The following IGF2BP2 variants were observed in gnomAD, a reference collection of about 807,000 sequenced individuals.
The protein encoded by IGF2BP2 is insulin like growth factor 2 mRNA binding protein 2.
In IGF2BP2, 17 loss-of-function variants were observed where a neutral mutation model predicts 75.8. The ratio of observed to expected loss-of-function variants is 0.22; its 90% confidence interval spans 0.15 to 0.34. The LOEUF (loss-of-function observed/expected upper bound fraction) is 0.34, where lower values mean the gene tolerates loss of function less well. Among genes scored for constraint, IGF2BP2 ranks in the 10% least tolerant of loss-of-function variants. IGF2BP2 has a pLI of 1.00. For missense variants in IGF2BP2, 516 were observed against 772.4 expected, an observed-to-expected ratio of 0.67 and a Z score of 3.93; for synonymous variants, 288 against 295.6, an observed-to-expected ratio of 0.97 and a Z score of 0.26.
chr3:185,805,640 A>G (rs940721058), intron 2 of IGF2BP2, among the ~76,000 whole-genome samples: 2 of 152,198 alleles, frequency 1.3e-5, no homozygotes, highest in Non-Finnish European at 2.9e-5. Flanking sequence ...ACAGGCAGCC[A>G]AAATATTTTA....
chr3:185,713,532 G>A (rs1440745641), intron 2 of IGF2BP2: 1 of 518,332 alleles, frequency 1.9e-6, no homozygotes, highest in Non-Finnish European at 3.9e-6. Flanking sequence ...AGGGGAGTGG[G>A]GAGTGCTGGT....
rs539421508 is a variant in IGF2BP2, at chr3:185,748,889, C to T, written c.240-50542G>A. 4.6e-5 allele frequency among the ~76,000 whole-genome samples: 7 copies of T among 152,342 alleles called. No homozygotes were observed. The East Asian group carries it at 5.8e-4, about 13-fold the overall frequency. On this transcript the variant is annotated intron_variant, in intron 2 of 15. Coordinates refer to ENST00000382199, the MANE Select transcript of IGF2BP2 (RefSeq NM_006548.6). ...GTAATCTAAGAACTTCTTGGCTGGA[C>T]GCAGTGGCTCATGCCTGTAATTCCA...
chr3:185,671,400 G>A (rs1431990747), intron 10 of IGF2BP2, among the ~76,000 whole-genome samples: 1 of 151,998 alleles, frequency 6.6e-6, no homozygotes, highest in Non-Finnish European at 1.5e-5. Context: ...AGCTGGGTGT[G>A]GTGATGCATG....
At position 185,647,190 on chromosome 3, in the gene IGF2BP2, T is replaced by G; in HGVS notation, c.1594-52A>C. 1 of 1,322,806 alleles carries G rather than the reference T, an allele frequency of 7.6e-7. No individual in the cohort carries two copies. Among genetic ancestry groups the G allele is most frequent in the Non-Finnish European group, 1.1e-6 (1 of 914,598 alleles). The allele number at this position is 1,322,806 out of a possible 1,614,324, so 81.9% of individuals were successfully genotyped here. ...TGGATAGGTTCCCTCCCCGTCAACG[T>G]GGTGGGCTCAGGACGGAGTGAGGGG... On this transcript the variant is annotated intron_variant, in intron 14 of 15. Coordinates refer to ENST00000382199, the MANE Select transcript of IGF2BP2 (RefSeq NM_006548.6). This position sits in a 1 kb window ranked among gnomAD's most constrained non-coding sequence, Gnocchi z 4.9.
chr3:185,675,832 C>T lies in IGF2BP2; in HGVS notation c.894G>A (p.Lys298=). 6.2e-7 allele frequency: 1 copy of T among 1,613,632 alleles called. No homozygotes were observed. Among genetic ancestry groups the T allele is most frequent in the Non-Finnish European group, 8.5e-7 (1 of 1,179,934 alleles). The part of the protein sequence containing the change: ...RLIGKEGRNL[K]KIEHETGTKI... Reference sequence around the variant, plus strand: ...TGGTCCCTGTTTCATGTTCAATTTTCTTCAAATTTCTGCCTTCTTTTCCAA... The same window carrying T: ...TGGTCCCTGTTTCATGTTCAATTTTTTTCAAATTTCTGCCTTCTTTTCCAA... Residue 298 remains lysine, a synonymous_variant, in exon 8 of 16, where the codon AAG becomes AAA. Coordinates refer to ENST00000382199, the MANE Select transcript of IGF2BP2 (RefSeq NM_006548.6).
At chr3:185,793,012 G>A (rs1578322020) in intron 2 of IGF2BP2, among the ~76,000 whole-genome samples, 2 of 152,122 alleles carry the variant, frequency 1.3e-5, no homozygotes, top group East Asian at 3.9e-4. Context: ...TTTGCTCATG[G>A]TGATCACAAA....
chr3:185,806,125 C>T (rs759230435), intron 2 of IGF2BP2, among the ~76,000 whole-genome samples: 7 of 152,130 alleles, frequency 4.6e-5, no homozygotes, highest in Admixed American at 2.6e-4. Flanking sequence ...AAATCTTAAA[C>T]TCAGTCTGCC....
At position 185,824,793 on chromosome 3, in the gene IGF2BP2, C is replaced by A. The variant is rs757420056; in HGVS notation, c.168G>T (p.Glu56Asp). 1.1e-5 allele frequency: 16 copies of A among 1,427,866 alleles called. No individual in the cohort carries two copies. Among genetic ancestry groups the A allele is most frequent in the South Asian group, 1.4e-5 (1 of 69,926 alleles). 88.4% of individuals were successfully genotyped at this position (1,427,866 alleles called of 1,614,324 possible). A position where few individuals can be genotyped will look rare whatever the true frequency, so the allele number is the denominator to read the frequency against. The change falls in exon 1 of 16, where the codon GAG becomes GAT. Residue 56 changes from glutamate (E) to aspartate (D), a missense_variant. Physicochemically the swap from Glu to Asp is conservative, Grantham distance 45. Coordinates refer to ENST00000382199, the MANE Select transcript of IGF2BP2 (RefSeq NM_006548.6). The part of the protein sequence containing the change: ...PDQNWAIRAI[E>D]TLSGKVELHG... ...GCGCTGAGTGCTCACCCGAGAGGGT[C>A]TCGATGGCGCGGATGGCCCAGTTCT...
At chr3:185,717,578 G>T (rs1725838745) in intron 2 of IGF2BP2, 1 of 152,250 alleles carries the variant, frequency 6.6e-6, no homozygotes, top group Non-Finnish European at 1.5e-5. Context: ...TAGAAGAAAA[G>T]AAGCCCATGG....
intron 12 of IGF2BP2, among the ~76,000 whole-genome samples, chr3:185,653,427 C>T (rs1197918338): frequency 6.6e-6 from 1 of 151,954 alleles, no homozygotes; most frequent in Non-Finnish European, 1.5e-5. Flanking sequence ...TCGAGACCAG[C>T]CTGGCCAACA....
At chr3:185,723,328 T>C (rs547947950) in intron 2 of IGF2BP2, among the ~76,000 whole-genome samples, 2 of 152,344 alleles carry the variant, frequency 1.3e-5, no homozygotes, top group Admixed American at 1.3e-4. Context: ...CACAGCAGCC[T>C]ACAGTCAAAA....
chr3:185,799,937 C>A (rs1224785311), intron 2 of IGF2BP2, among the ~76,000 whole-genome samples: 1 of 152,110 alleles, frequency 6.6e-6, no homozygotes, highest in Non-Finnish European at 1.5e-5. Context: ...GGTATATACC[C>A]AAAGGATTAT....
intron 2 of IGF2BP2, among the ~76,000 whole-genome samples, chr3:185,757,443 G>A (rs1731766152): frequency 6.7e-6 from 1 of 149,916 alleles, no homozygotes; most frequent in East Asian, 2.0e-4. Flanking sequence ...AGCCCTTGGA[G>A]AGACTATATC....
intron 2 of IGF2BP2, among the ~76,000 whole-genome samples, chr3:185,780,382 T>TA (rs1248440767): frequency 6.6e-6 from 1 of 152,222 alleles, no homozygotes; most frequent in African/African-American, 2.4e-5. Flanking sequence ...TTCAAGTAGC[T>TA]ATATAGTTCC....
intron 2 of IGF2BP2, chr3:185,767,895 A>C (rs1008952958): frequency 6.5e-6 from 1 of 153,672 alleles, no homozygotes; most frequent in Admixed American, 6.5e-5. Context: ...CAAAAACAGC[A>C]ATTACTTTCA....
Position 185,714,300 on chromosome 3 carries a change from G to A in IGF2BP2, c.240-15953C>T, listed in dbSNP as rs181071780. ...ACCATAATTAAACTGGTCTTCTACT[G>A]ATGGACACAAGATGTTTCTAATCTT... On this transcript the variant is annotated intron_variant, in intron 2 of 15. Coordinates refer to ENST00000382199, the MANE Select transcript of IGF2BP2 (RefSeq NM_006548.6). Among the ~76,000 whole-genome samples, 23 of 152,144 alleles carry A rather than the reference G, an allele frequency of 1.5e-4. No homozygotes were observed. The East Asian group carries it at 4.1e-3, about 27-fold the overall frequency.
At chr3:185,771,438 T>TGGG (rs1733862733) in intron 2 of IGF2BP2, among the ~76,000 whole-genome samples, 1 of 132,920 alleles carries the variant, frequency 7.5e-6, no homozygotes, top group Non-Finnish European at 1.6e-5. Flanking sequence ...AGACTTCGTC[T>TGGG]CAAAAAAAAA....
intron 7 of IGF2BP2, among the ~76,000 whole-genome samples, chr3:185,686,355 G>A (rs964573605): frequency 6.6e-5 from 10 of 151,338 alleles, no homozygotes; most frequent in African/African-American, 2.4e-4. Context: ...CTGCACTCCA[G>A]CCTAGGGCAA....
At chr3:185,784,565 G>A (rs1167539464) in intron 2 of IGF2BP2, among the ~76,000 whole-genome samples, 1 of 152,218 alleles carries the variant, frequency 6.6e-6, no homozygotes, top group African/African-American at 2.4e-5. Context: ...TACTGCATCA[G>A]CACTGCTCAT....
Sources: gnomAD v4.1 joint callset for allele counts (sites outside exome capture counted in the v4.1 genomes callset) on GRCh38, gnomAD v4.1.1 for gene constraint, Gnocchi (gnomAD v3.1) non-coding constraint, MANE v1.5 for transcripts, NCBI Gene and HGNC (gene_info 2026-07-23, HGNC 2026-07-21) for gene names.